ADAMTSL1: variants seen among roughly 807,000 people sequenced by gnomAD.
ADAMTSL1 encodes the protein ADAMTS-like protein 1.
Under a neutral mutation model 201.8 loss-of-function variants are expected in ADAMTSL1, and 126 were observed. The observed-to-expected ratio is 0.62, with a 90% CI of 0.54 to 0.72. The LOEUF (loss-of-function observed/expected upper bound fraction) is 0.72. Among genes scored for constraint, ADAMTSL1 ranks in the 30% least tolerant of loss-of-function variants. The probability of loss-of-function intolerance (pLI) is 0.00; values close to 1 mark genes in which losing one functional copy is unlikely to be tolerated. For missense variants in ADAMTSL1, 2,679 were observed against 2,277.8 expected, an observed-to-expected ratio of 1.18 and a Z score of -3.59; for synonymous variants, 1,121 against 903.4, an observed-to-expected ratio of 1.24 and a Z score of -4.32.
chr9:18,723,119 G>A, intron 15 of ADAMTSL1: 1 of 763,016 alleles, frequency 1.3e-6, no homozygotes, highest in Non-Finnish European at 2.4e-6. Context: ...CTGTGGCCTA[G>A]GGCGAGGTGT....
chr9:18,868,346 T>C (rs1010127345), intron 23 of ADAMTSL1, among the ~76,000 whole-genome samples: 1 of 152,136 alleles, frequency 6.6e-6, no homozygotes, highest in African/African-American at 2.4e-5. Flanking sequence ...ATTTTCCTCC[T>C]TGACTTGTCG....
At chr9:18,476,979 A>G (rs189171301) in intron 1 of ADAMTSL1, among the ~76,000 whole-genome samples, 2 of 152,340 alleles carry the variant, frequency 1.3e-5, no homozygotes, top group East Asian at 1.9e-4. Flanking sequence ...GTTACCACCC[A>G]TATTTTCATG....
At chr9:18,447,691 T>G (rs905161617) in intron 2 of ADAMTSL1, among the ~76,000 whole-genome samples, 1 of 152,216 alleles carries the variant, frequency 6.6e-6, no homozygotes, top group Admixed American at 6.5e-5. Context: ...AGCTCTTTGC[T>G]AGACCCTTTC....
intron 2 of ADAMTSL1, among the ~76,000 whole-genome samples, chr9:18,384,506 C>G (rs904761312): frequency 1.3e-5 from 2 of 152,152 alleles, no homozygotes; most frequent in African/African-American, 4.8e-5. Flanking sequence ...TCAATGCCCT[C>G]ATCTCTCTCT....
chr9:18,541,941 A>T (rs892017862), intron 3 of ADAMTSL1, among the ~76,000 whole-genome samples: 6 of 152,234 alleles, frequency 3.9e-5, no homozygotes, highest in Non-Finnish European at 5.9e-5. Flanking sequence ...TTAAAAAAGC[A>T]AATTGTGGAG....
chr9:18,173,873 A>C (rs1828017704), intron 2 of ADAMTSL1, among the ~76,000 whole-genome samples: 1 of 152,178 alleles, frequency 6.6e-6, no homozygotes. Context: ...ATAATGGTGA[A>C]ATTTCGGTTT....
intron 2 of ADAMTSL1, among the ~76,000 whole-genome samples, chr9:18,325,141 A>T (rs1313911067): frequency 1.3e-5 from 2 of 152,218 alleles, no homozygotes; most frequent in Admixed American, 1.3e-4. Context: ...GTTGATGATG[A>T]CTATGTGAAG....
intron 1 of ADAMTSL1, among the ~76,000 whole-genome samples, chr9:18,073,815 C>T (rs982293584): frequency 1.3e-5 from 2 of 152,134 alleles, no homozygotes; most frequent in Non-Finnish European, 2.9e-5. Context: ...GCGGCCTTGG[C>T]AATGTCATGT....
At chr9:17,994,379 A>C (rs926020958) in intron 1 of ADAMTSL1, among the ~76,000 whole-genome samples, 1 of 152,146 alleles carries the variant, frequency 6.6e-6, no homozygotes, top group African/African-American at 2.4e-5. Flanking sequence ...AAATGCTGAC[A>C]AGAGAGACCA....
intron 1 of ADAMTSL1, among the ~76,000 whole-genome samples, chr9:18,120,038 G>A (rs1825432577): frequency 6.6e-6 from 1 of 152,132 alleles, no homozygotes; most frequent in African/African-American, 2.4e-5. Flanking sequence ...ACGAATTTTT[G>A]TGAATTCATG....
chr9:18,775,689 A>T, intron 17 of ADAMTSL1, 54 bp from the exon 18 acceptor site: 1 of 1,582,810 alleles, frequency 6.3e-7, no homozygotes. Flanking sequence ...CTATTAAAAA[A>T]TTAGCTTCTA....
At chr9:18,550,474 A>G (rs1163496308) in intron 3 of ADAMTSL1, among the ~76,000 whole-genome samples, 4 of 151,944 alleles carry the variant, frequency 2.6e-5, no homozygotes, top group African/African-American at 7.2e-5. Flanking sequence ...CAAGAACCGC[A>G]GAGAAGTTTC....
chr9:17,922,404 A>G (rs186225618), intron 1 of ADAMTSL1, among the ~76,000 whole-genome samples: 8 of 152,254 alleles, frequency 5.3e-5, no homozygotes, highest in African/African-American at 1.9e-4. Flanking sequence ...TGAAGAATAG[A>G]TCTGTGCAAC....
In ADAMTSL1 at chr9:17,940,811, C is replaced by A. The variant is rs868007955; in HGVS notation, c.87+33889C>A. 8.3e-5 allele frequency among the ~76,000 whole-genome samples: 5 copies of A among 60,232 alleles called. 1 individual carries two copies. Among genetic ancestry groups the A allele is most frequent in the African/African-American group, 3.0e-4 (5 of 16,566 alleles). The allele number at this position is 60,232 out of a possible 152,430, so 39.5% of individuals were successfully genotyped here. The stretch of plus-strand genomic sequence containing the variant: ...AATAAAAGTAAATAACACCCCCCCC[C>A]CAAAAAAAAGAAAGAAATAACGACT... On this transcript the variant is annotated intron_variant, in intron 1 of 29. Coordinates refer to the ADAMTSL1 transcript ENST00000680146.
At chr9:18,453,778 T>G (rs549238436) in intron 2 of ADAMTSL1, among the ~76,000 whole-genome samples, 58 of 152,326 alleles carry the variant, frequency 3.8e-4, no homozygotes, top group African/African-American at 1.3e-3. Flanking sequence ...AATGCAGATT[T>G]TTTTGTATCT....
At chr9:18,293,087 A>T (rs1334850024) in intron 2 of ADAMTSL1, among the ~76,000 whole-genome samples, 2 of 152,192 alleles carry the variant, frequency 1.3e-5, no homozygotes, top group Non-Finnish European at 1.5e-5. Context: ...TAAGTGCCAG[A>T]CATGATCTTA....
intron 1 of ADAMTSL1, among the ~76,000 whole-genome samples, chr9:18,038,299 G>A (rs184160612): frequency 6.6e-6 from 1 of 152,128 alleles, no homozygotes; most frequent in Non-Finnish European, 1.5e-5. Flanking sequence ...CCCCTCTCTG[G>A]GCCTCTGGGG....
intron 26 of ADAMTSL1, among the ~76,000 whole-genome samples, chr9:18,896,342 A>T (rs1829635589): frequency 6.6e-6 from 1 of 152,196 alleles, no homozygotes; most frequent in Non-Finnish European, 1.5e-5. Context: ...GTGTACAAGA[A>T]ATTCTCAATA....
chr9:18,750,524 A>G (rs1224235351), intron 15 of ADAMTSL1, among the ~76,000 whole-genome samples: 3 of 152,154 alleles, frequency 2.0e-5, no homozygotes, highest in African/African-American at 7.2e-5. Flanking sequence ...TCATGTGCTG[A>G]TGAACATTTG....
Sources: allele counts gnomAD v4.1 joint callset (sites outside exome capture counted in the v4.1 genomes callset), GRCh38; gene constraint gnomAD v4.1.1; transcripts MANE v1.5; gene names NCBI Gene and HGNC (gene_info 2026-07-23, HGNC 2026-07-21).